Variants in TMEM132D observed in about 807,000 individuals in gnomAD.
The protein encoded by TMEM132D is mature OL transmembrane protein.
A neutral mutation model predicts 62.3 loss-of-function variants in TMEM132D; 21 were observed. The ratio of observed to expected loss-of-function variants is 0.34; its 90% CI spans 0.24 to 0.49. TMEM132D has a LOEUF of 0.49. Ranked by LOEUF, TMEM132D falls within the 20% of genes least tolerant of loss-of-function variation. The pLI is 0.99. For missense variants in TMEM132D, 1,346 were observed against 1,402.8 expected, an observed-to-expected ratio of 0.96 and a Z score of 0.65; for synonymous variants, 621 against 575.6, an observed-to-expected ratio of 1.08 and a Z score of -1.13.
chr12:129,342,815 A>C (rs1299165551), intron 3 of TMEM132D, among the ~76,000 whole-genome samples: 1 of 152,250 alleles, frequency 6.6e-6, no homozygotes, highest in Admixed American at 6.5e-5. Flanking sequence ...GCCAAAAAAC[A>C]CATGAAAAAA....
At chr12:129,556,066 C>T (rs1877047949) in intron 2 of TMEM132D, among the ~76,000 whole-genome samples, 1 of 152,270 alleles carries the variant, frequency 6.6e-6, no homozygotes, top group South Asian at 2.1e-4. Flanking sequence ...TGTACATGAA[C>T]TAGACACCAA....
At position 129,537,789 on chromosome 12, in the gene TMEM132D, G is replaced by A. The variant is rs570058053; in HGVS notation, c.969-6584C>T. ...CCCCACAGGGAAAAGCCAAGAATGC[G>A]GAAGCATGGGGGTGTGGCCTCCACT... is the stretch of plus-strand genomic sequence containing the variant. On this transcript the variant is annotated intron_variant, in intron 2 of 8. Coordinates refer to ENST00000422113, the MANE Select transcript of TMEM132D (RefSeq NM_133448.3). 1.2e-4 allele frequency among the ~76,000 whole-genome samples: 18 copies of A among 152,342 alleles called. No homozygotes were observed. The East Asian group carries it at 2.3e-3, about 20-fold the overall frequency.
chr12:129,319,231 C>T (rs796135663), intron 4 of TMEM132D, among the ~76,000 whole-genome samples: 20 of 152,324 alleles, frequency 1.3e-4, no homozygotes, highest in African/African-American at 4.6e-4. Flanking sequence ...CTTGTGGTGC[C>T]AGGCAGGAAT....
intron 3 of TMEM132D, among the ~76,000 whole-genome samples, chr12:129,432,559 T>C (rs1872692069): frequency 6.6e-6 from 1 of 152,326 alleles, no homozygotes; most frequent in East Asian, 1.9e-4. Flanking sequence ...ATGAGAGTGG[T>C]CTCAGCATTC....
chr12:129,738,896 AAGTATAATGATCCAGAAGG>A (rs1198406785), intron 1 of TMEM132D, among the ~76,000 whole-genome samples: 3 of 152,196 alleles, frequency 2.0e-5, no homozygotes, highest in Admixed American at 2.0e-4. Context: ...TTATACCCAG[AAGTATAATGATCCAGAAGG>A]AGTATAATGA....
intron 3 of TMEM132D, among the ~76,000 whole-genome samples, chr12:129,436,489 T>G (rs2135718956): frequency 6.6e-6 from 1 of 152,214 alleles, no homozygotes; most frequent in East Asian, 1.9e-4. Context: ...GGCAGCTGGG[T>G]GAGGATGAGC....
chr12:129,484,740 T>G (rs1874532927), intron 3 of TMEM132D, among the ~76,000 whole-genome samples: 1 of 152,242 alleles, frequency 6.6e-6, no homozygotes, highest in African/African-American at 2.4e-5. Context: ...CCATGGAAAC[T>G]TAAAAGATTA....
chr12:129,642,665 C>T (rs186487991), intron 2 of TMEM132D, among the ~76,000 whole-genome samples: 22 of 152,286 alleles, frequency 1.4e-4, no homozygotes, highest in African/African-American at 2.4e-4. Flanking sequence ...TGGACAAGAA[C>T]GGTATTTTCC....
At chr12:129,756,736 C>T (rs1262866166) in intron 1 of TMEM132D, among the ~76,000 whole-genome samples, 2 of 152,188 alleles carry the variant, frequency 1.3e-5, no homozygotes, top group Non-Finnish European at 2.9e-5. Flanking sequence ...GAAAAGCGAA[C>T]CAATTCTCTA....
chr12:129,712,507 GCC>G (rs1271066427), intron 1 of TMEM132D, among the ~76,000 whole-genome samples: 1 of 152,196 alleles, frequency 6.6e-6, no homozygotes, highest in East Asian at 1.9e-4. Context: ...GGTGGGAGTG[GCC>G]ACCTCCATCA....
intron 3 of TMEM132D, among the ~76,000 whole-genome samples, chr12:129,346,903 T>C (rs79592020): frequency 6.6e-6 from 1 of 152,124 alleles, no homozygotes; most frequent in Non-Finnish European, 1.5e-5. Flanking sequence ...AGCATTCCCA[T>C]ACACTAATAA....
intron 2 of TMEM132D, among the ~76,000 whole-genome samples, chr12:129,637,080 G>A (rs141894742): frequency 2.3e-3 from 347 of 152,214 alleles, no homozygotes; most frequent in African/African-American, 7.5e-3. Flanking sequence ...GATGACTCAC[G>A]TGTCGACAGT....
chr12:129,556,456 T>C (rs1877060355), intron 2 of TMEM132D, among the ~76,000 whole-genome samples: 1 of 150,866 alleles, frequency 6.6e-6, no homozygotes, highest in Non-Finnish European at 1.5e-5. Flanking sequence ...CCCCTGGCAA[T>C]GGGGTGGAGC....
intron 2 of TMEM132D, among the ~76,000 whole-genome samples, chr12:129,613,430 G>A (rs918500661): frequency 1.4e-4 from 22 of 152,160 alleles, no homozygotes; most frequent in Admixed American, 7.9e-4. Flanking sequence ...TCAACAGGGC[G>A]TCTTCCCCAT....
chr12:129,831,080 T>A (rs1356196485), intron 1 of TMEM132D, among the ~76,000 whole-genome samples: 2 of 152,126 alleles, frequency 1.3e-5, no homozygotes, highest in Admixed American at 6.6e-5. Context: ...TTCTAGAAGT[T>A]CCACCATGAG....
chr12:129,183,736 G>C (rs1215105627), intron 5 of TMEM132D, among the ~76,000 whole-genome samples: 1 of 152,182 alleles, frequency 6.6e-6, no homozygotes, highest in African/African-American at 2.4e-5. Context: ...TTTGGAGCTG[G>C]GTGGTGGCTG....
intron 2 of TMEM132D, among the ~76,000 whole-genome samples, chr12:129,550,090 TAA>T (rs1159558592): frequency 6.6e-6 from 1 of 152,178 alleles, no homozygotes; most frequent in Non-Finnish European, 1.5e-5. Flanking sequence ...TCTGATTATA[TAA>T]GAGACAAATT....
At chr12:129,571,495 C>T (rs904431436) in intron 2 of TMEM132D, among the ~76,000 whole-genome samples, 1 of 152,040 alleles carries the variant, frequency 6.6e-6, no homozygotes, top group Non-Finnish European at 1.5e-5. Context: ...TGGCTTGAAC[C>T]CAGGAGGCAG....
chr12:129,649,915 C>T (rs185669829), intron 2 of TMEM132D, among the ~76,000 whole-genome samples: 8 of 149,410 alleles, frequency 5.4e-5, no homozygotes, highest in East Asian at 3.9e-4. Context: ...TCTATGTGTA[C>T]GTGTGTGTGT....
Sources: gnomAD v4.1 joint callset for allele counts (sites outside exome capture counted in the v4.1 genomes callset) on GRCh38, gnomAD v4.1.1 for gene constraint, MANE v1.5 for transcripts, NCBI Gene and HGNC (gene_info 2026-07-23, HGNC 2026-07-21) for gene names.